Variants in HNF4A observed in about 807,000 individuals in gnomAD.
The protein encoded by HNF4A is hepatocyte nuclear factor 4 alpha.
Under a neutral mutation model 52.4 loss-of-function variants are expected in HNF4A, and 15 were observed. That is an observed-to-expected ratio of 0.29 (90% confidence interval 0.19 to 0.44). The LOEUF (loss-of-function observed/expected upper bound fraction) is 0.44. Ranked by LOEUF, HNF4A falls within the 20% of genes least tolerant of loss-of-function variation. The probability of loss-of-function intolerance (pLI) is 1.00; values close to 1 mark genes in which losing one functional copy is unlikely to be tolerated. For missense variants in HNF4A, 479 were observed against 647.2 expected (o/e 0.74, Z 2.82); for synonymous variants, 280 against 264.4 (o/e 1.06, Z -0.57).
chr20:44,403,900 A>G (rs1473442150), intron 1 of HNF4A, among the ~76,000 whole-genome samples: 1 of 152,154 alleles, frequency 6.6e-6, no homozygotes, highest in Non-Finnish European at 1.5e-5. Flanking sequence ...CTACTTCCCC[A>G]GCCTCCTGCT....
At chr20:44,424,691 CCT>C in intron 8 of HNF4A, 1 of 1,077,162 alleles carries the variant, frequency 9.3e-7, no homozygotes, top group Non-Finnish European at 1.2e-6. Flanking sequence ...CCACAGGAGA[CCT>C]CTCTGAAGTG....
intron 3 of HNF4A, among the ~76,000 whole-genome samples, chr20:44,411,906 AT>A (rs202105417): frequency 5.3e-5 from 8 of 151,648 alleles, no homozygotes; most frequent in African/African-American, 4.8e-5. Flanking sequence ...AAAAAAAAAA[AT>A]TTAGCCAGGC....
intron 8 of HNF4A, among the ~76,000 whole-genome samples, chr20:44,425,046 A>G (rs2063799373): frequency 6.6e-6 from 1 of 152,218 alleles, no homozygotes; most frequent in Non-Finnish European, 1.5e-5. Context: ...CAGTGGCACA[A>G]TCTTGGCTGA....
chr20:44,357,334 G>T (rs961370987), intron 1 of HNF4A, among the ~76,000 whole-genome samples: 8 of 152,154 alleles, frequency 5.3e-5, no homozygotes, highest in African/African-American at 1.9e-4. Context: ...GGAGATTAGA[G>T]GAGATAGCAT....
At chr20:44,374,607 G>A (rs1568694855) in intron 1 of HNF4A, among the ~76,000 whole-genome samples, 1 of 152,122 alleles carries the variant, frequency 6.6e-6, no homozygotes, top group Non-Finnish European at 1.5e-5. Flanking sequence ...GGGATTACAG[G>A]CATGTGCCAC....
chr20:44,382,456 C>G (rs537401683), intron 1 of HNF4A, among the ~76,000 whole-genome samples: 4 of 152,186 alleles, frequency 2.6e-5, no homozygotes, highest in African/African-American at 9.6e-5. Context: ...CCAACATGAT[C>G]TCGATCTCTT....
At chr20:44,394,143 C>T (rs1233675399) in intron 1 of HNF4A, among the ~76,000 whole-genome samples, 1 of 152,342 alleles carries the variant, frequency 6.6e-6, no homozygotes, top group Admixed American at 6.5e-5. Flanking sequence ...CACCTCTCTG[C>T]TTCCAGCCAG....
At chr20:44,425,542 G>A (rs946748557) in intron 8 of HNF4A, among the ~76,000 whole-genome samples, 2 of 152,174 alleles carry the variant, frequency 1.3e-5, no homozygotes, top group Admixed American at 6.5e-5. Flanking sequence ...CAGAAATGAC[G>A]ATGGAGTAAT....
chr20:44,434,396 C>T (rs891065641), downstream of HNF4A: 2 of 152,134 alleles, frequency 1.3e-5, no homozygotes, highest in African/African-American at 4.8e-5. Flanking sequence ...CGCTGTCTAC[C>T]TGATCCCTAG....
In HNF4A at chr20:44,401,262, AAAGG is replaced by A. The variant is rs886056679; in HGVS notation, c.-106_-103del. 5.7e-6 allele frequency: 9 copies of A among 1,585,724 alleles called. No individual in the cohort carries two copies. The highest frequency in any genetic ancestry group is 7.7e-6 in the Non-Finnish European group (9 of 1,170,510). On this transcript the variant is annotated 5_prime_UTR_variant, in exon 1 of 10. Coordinates refer to ENST00000316099, the MANE Select transcript of HNF4A (RefSeq NM_000457.6). ...GCAGATCTTCCCAGAGGACGGTTTG[AAAGG>A]AAGGCAGAGAGGGCACTGGGAGGAG...
intron 5 of HNF4A, among the ~76,000 whole-genome samples, chr20:44,416,771 A>C (rs781015383): frequency 3.9e-5 from 6 of 152,144 alleles, no homozygotes; most frequent in Non-Finnish European, 7.3e-5. Flanking sequence ...TTTTGTGCCA[A>C]ATATCTTCAG....
chr20:44,401,093 G>A (rs1208788072), upstream of HNF4A, among the ~76,000 whole-genome samples: 9 of 152,014 alleles, frequency 5.9e-5, no homozygotes, highest in South Asian at 2.1e-4. Flanking sequence ...TTAGCACCCC[G>A]GGTGTCAGCC....
rs202105574 is a variant in HNF4A, at chr20:44,418,500, G to A, written c.724G>A (p.Val242Met). The A allele has an allele frequency of 1.2e-5, 19 of 1,612,620 alleles. No individual in the cohort carries two copies. Among genetic ancestry groups the A allele is most frequent in the East Asian group, 6.7e-5 (3 of 44,880 alleles). ...CAAGAGATCCATGGTGTTCAAGGAC[G>A]TGCTGCTCCTAGGTGAGGCGGCTGC... is the stretch of plus-strand genomic sequence containing the variant. The change falls in exon 6 of 10, where the codon GTG (valine) becomes ATG (methionine). Residue 242 changes from valine to methionine, a missense_variant. Physicochemically the swap from Val to Met is conservative, Grantham distance 21. Around this residue, in one of 3 missense-constraint regions of HNF4A, gnomAD observed 389 missense variants for 525.1 expected, o/e 0.74. Transcript: ENST00000316099.
rs552104770 is a variant in HNF4A, at chr20:44,383,374, T to C, written c.50-22684T>C. The stretch of plus-strand genomic sequence containing the variant: ...AATAAGAAAACAGTCACAGAGCAGT[T>C]CAGTAACTTGTCCAGGGTCACACAG... On this transcript the variant is annotated intron_variant, in intron 1 of 9. Coordinates refer to the HNF4A transcript ENST00000316673. Among the ~76,000 whole-genome samples the C allele has an allele frequency of 3.4e-4, 51 of 152,230 alleles. No homozygotes were observed. In the South Asian group the frequency reaches 0.01, roughly 31 times the overall value.
intron 1 of HNF4A, among the ~76,000 whole-genome samples, chr20:44,384,209 G>T (rs544999432): frequency 6.1e-4 from 89 of 145,952 alleles, no homozygotes; most frequent in Admixed American, 1.4e-3. Context: ...AGGTCCAGAG[G>T]CTTTGAAAGG....
At chr20:44,383,044 A>T (rs1176912730) in intron 1 of HNF4A, among the ~76,000 whole-genome samples, 1 of 152,066 alleles carries the variant, frequency 6.6e-6, no homozygotes, top group Non-Finnish European at 1.5e-5. Context: ...TGGTCCACAC[A>T]TGTAGTCCCA....
Position 44,392,435 on chromosome 20 carries a change from G to A in HNF4A, c.50-13623G>A, listed in dbSNP as rs932718337. Among the ~76,000 whole-genome samples, 4 of 152,144 alleles carry A rather than the reference G, an allele frequency of 2.6e-5. No individual in the cohort carries two copies. The Middle Eastern group carries it at 0.01, about 388-fold the overall frequency. ...GGCTGCACAAAAATATAGACGCCTGGCACCTCCCCACCCCTACCCCAAGAT... is the reference window on the plus strand; with the variant it reads ...GGCTGCACAAAAATATAGACGCCTGACACCTCCCCACCCCTACCCCAAGAT... On this transcript the variant is annotated intron_variant, in intron 1 of 9. Transcript: ENST00000316673.
intron 1 of HNF4A, among the ~76,000 whole-genome samples, chr20:44,363,214 A>G (rs1052777743): frequency 1.4e-4 from 22 of 152,036 alleles, no homozygotes; most frequent in African/African-American, 4.8e-4. Context: ...TGATAATACC[A>G]TTTACTTCAC....
intron 1 of HNF4A, among the ~76,000 whole-genome samples, chr20:44,396,015 C>A (rs1019003934): frequency 5.9e-5 from 9 of 152,124 alleles, no homozygotes; most frequent in Admixed American, 5.2e-4. Context: ...CCTTGAGTTC[C>A]CCTGCAAGAC....
Sources: gnomAD v4.1 joint callset for allele counts (sites outside exome capture counted in the v4.1 genomes callset) on GRCh38, gnomAD v4.1.1 for gene constraint, gnomAD v4.1.1 regional missense constraint, MANE v1.5 for transcripts, NCBI Gene and HGNC (gene_info 2026-07-23, HGNC 2026-07-21) for gene names.